Variants in ELMOD2 observed in about 807,000 individuals in gnomAD.
The protein encoded by ELMOD2 is ELMO domain-containing protein 2.
A neutral mutation model predicts 41.0 loss-of-function variants in ELMOD2; 28 were observed. The observed-to-expected ratio is 0.68, with a 90% CI of 0.51 to 0.94. ELMOD2 has a LOEUF of 0.94. ELMOD2 is among the 40% of genes least tolerant of loss of function. The probability of loss-of-function intolerance (pLI) is 0.00; values close to 1 mark genes in which losing one functional copy is unlikely to be tolerated. For missense variants in ELMOD2, 333 were observed against 343.1 expected (o/e 0.97, Z 0.23); for synonymous variants, 106 against 107.2 (o/e 0.99, Z 0.07).
At position 140,544,712 on chromosome 4, in the gene ELMOD2, A is replaced by G. The variant is rs548653491; in HGVS notation, c.736+1126A>G. ...TCCCAGTCTTCTTTTTAGTTGCTCAAATATATTATGCTCTCTCTTGACTCT... is the reference window on the plus strand; with the variant it reads ...TCCCAGTCTTCTTTTTAGTTGCTCAGATATATTATGCTCTCTCTTGACTCT... On this transcript the variant is annotated intron_variant, in intron 8 of 8. Coordinates refer to ENST00000323570, the MANE Select transcript of ELMOD2 (RefSeq NM_153702.4). Among the ~76,000 whole-genome samples the G allele has an allele frequency of 9.9e-5, 15 of 152,120 alleles. No individual in the cohort carries two copies. In the East Asian group the frequency reaches 1.9e-3, roughly 20 times the overall value.
chr4:140,538,106 A>G (rs983436192), intron 5 of ELMOD2, among the ~76,000 whole-genome samples: 1 of 152,204 alleles, frequency 6.6e-6, no homozygotes, highest in Non-Finnish European at 1.5e-5. Context: ...AAATGCATAA[A>G]GCCAATGAGG....
At chr4:140,525,333 T>A (rs1008913403) in intron 1 of ELMOD2, 87 bp from the exon 2 acceptor site, 12 of 1,326,026 alleles carry the variant, frequency 9.0e-6, no homozygotes, top group Non-Finnish European at 1.2e-5. Context: ...ATACATAATT[T>A]GAGATTTGAT....
In ELMOD2 at chr4:140,552,666, C is replaced by T. The variant is rs1578781886; in HGVS notation, c.*2291C>T. 1 of 152,092 alleles carries T rather than the reference C, an allele frequency of 6.6e-6. No homozygotes were observed. The highest frequency in any genetic ancestry group is 1.9e-4 in the East Asian group (1 of 5,186). 9.4% of individuals were successfully genotyped at this position (152,092 alleles called of 1,614,324 possible). ...CTTAAAATCCATATTTAGAATCTTACCTGTTTCTATAATAATTAGTAAAAT... is the reference window on the plus strand; with the variant it reads ...CTTAAAATCCATATTTAGAATCTTATCTGTTTCTATAATAATTAGTAAAAT... On this transcript the variant is annotated 3_prime_UTR_variant, in exon 9 of 9. Coordinates refer to ENST00000323570, the MANE Select transcript of ELMOD2 (RefSeq NM_153702.4).
Position 140,549,681 on chromosome 4 carries a change from C to CT in ELMOD2, c.737-519dup, listed in dbSNP as rs10538089. On this transcript the variant is annotated intron_variant, in intron 8 of 8. Coordinates refer to ENST00000323570, the MANE Select transcript of ELMOD2 (RefSeq NM_153702.4). ...AAGGTATCTTTTGAAAGTACTACAT[C>CT]TTTTTTTTTTTTTTTTTTTTTTTTT... is the stretch of plus-strand genomic sequence containing the variant. Among the ~76,000 whole-genome samples the CT allele has an allele frequency of 6.8e-3, 291 of 42,964 alleles. 36 individuals are homozygous for CT. Among genetic ancestry groups the CT allele is most frequent in the South Asian group, 0.011 (8 of 712 alleles). 28.2% of individuals were successfully genotyped at this position (42,964 alleles called of 152,430 possible).
At chr4:140,541,726 T>G (rs920138420) in intron 6 of ELMOD2, among the ~76,000 whole-genome samples, 2 of 152,040 alleles carry the variant, frequency 1.3e-5, no homozygotes, top group African/African-American at 2.4e-5. Context: ...AAATTATCAT[T>G]AATTCATGGA....
At chr4:140,545,506 C>T (rs1468943216) in intron 8 of ELMOD2, among the ~76,000 whole-genome samples, 1 of 152,122 alleles carries the variant, frequency 6.6e-6, no homozygotes, top group Non-Finnish European at 1.5e-5. Flanking sequence ...CCTTTTTCTC[C>T]CTTAATGGAT....
chr4:140,525,373 T>G (rs577047944), intron 1 of ELMOD2, 47 bp from the exon 2 acceptor site: 2 of 1,554,364 alleles, frequency 1.3e-6, no homozygotes, highest in African/African-American at 2.8e-5. Flanking sequence ...AATTTTAAAA[T>G]TCAGTTTAAG....
Position 140,539,715 on chromosome 4 carries a change from A to G in ELMOD2, c.400-453A>G, listed in dbSNP as rs537575396. 3.9e-5 allele frequency among the ~76,000 whole-genome samples: 6 copies of G among 152,314 alleles called. No individual in the cohort carries two copies. In the South Asian group the frequency reaches 6.2e-4, roughly 16 times the overall value. Reference sequence around the variant, plus strand: ...AACCAAATCATATTTTTTTAAACTGAAAATTTGTAAAACAAGTTGGAATGC... The same window carrying G: ...AACCAAATCATATTTTTTTAAACTGGAAATTTGTAAAACAAGTTGGAATGC... On this transcript the variant is annotated intron_variant, in intron 5 of 8. Coordinates refer to ENST00000323570, the MANE Select transcript of ELMOD2 (RefSeq NM_153702.4).
chr4:140,537,815 T>G (rs1734982091), intron 5 of ELMOD2, among the ~76,000 whole-genome samples: 1 of 151,184 alleles, frequency 6.6e-6, no homozygotes. Flanking sequence ...TTAATGTTTT[T>G]ATTTCTGAAA....
intron 4 of ELMOD2, among the ~76,000 whole-genome samples, chr4:140,536,775 A>G (rs1228193181): frequency 1.3e-5 from 2 of 152,218 alleles, no homozygotes; most frequent in African/African-American, 2.4e-5. Flanking sequence ...AGAAGGAATA[A>G]AGAATAGGAA....
chr4:140,543,714 T>C (rs188722064), intron 8 of ELMOD2, 128 bp downstream of exon 8: 47 of 764,232 alleles, frequency 6.1e-5, no homozygotes. Context: ...TTTTATTACT[T>C]AGGGTCTTTG....
In ELMOD2 at chr4:140,551,576, G is replaced by A. The variant is rs1735471683; in HGVS notation, c.*1201G>A. On this transcript the variant is annotated 3_prime_UTR_variant, in exon 9 of 9. Coordinates refer to ENST00000323570, the MANE Select transcript of ELMOD2 (RefSeq NM_153702.4). Reference sequence around the variant, plus strand: ...TCTTCTTGGTGCGTTTTACACATTTGTACTGATAGCAAAACTAAAGTTTAA... The same window carrying A: ...TCTTCTTGGTGCGTTTTACACATTTATACTGATAGCAAAACTAAAGTTTAA... The A allele has an allele frequency of 6.6e-6, 1 of 152,068 alleles. No homozygotes were observed. The highest frequency in any genetic ancestry group is 6.6e-5 in the Admixed American group (1 of 15,250). The allele number at this position is 152,068 out of a possible 1,614,324, so 9.4% of individuals were successfully genotyped here.
intron 6 of ELMOD2, among the ~76,000 whole-genome samples, chr4:140,541,684 G>A (rs901731186): frequency 6.6e-6 from 1 of 152,044 alleles, no homozygotes; most frequent in African/African-American, 2.4e-5. Flanking sequence ...AGTCCATAAT[G>A]TAAGATGGTT....
At position 140,550,360 on chromosome 4, in the gene ELMOD2, T is replaced by C. The variant is rs763676472; in HGVS notation, c.867T>C (p.Leu289=). 1.2e-6 allele frequency: 2 copies of C among 1,604,280 alleles called. No individual in the cohort carries two copies. Among genetic ancestry groups the C allele is most frequent in the South Asian group, 2.3e-5 (2 of 88,864 alleles). ...TTTTACTGGATTGTAATGTAGCACT[T>C]ACTTTAAAAGTATAAATCATCCACT... ...KGLLLDCNVA[L]TLKV The change falls in exon 9 of 9, where the codon CTT becomes CTC. Residue 289 remains leucine (L), a synonymous_variant. Coordinates refer to ENST00000323570, the MANE Select transcript of ELMOD2 (RefSeq NM_153702.4).
chr4:140,540,428 G>A, intron 6 of ELMOD2, 127 bp downstream of exon 6: 3 of 1,245,222 alleles, frequency 2.4e-6, no homozygotes, highest in South Asian at 1.6e-5. Flanking sequence ...CTGCAGTGCT[G>A]GAAGTATTTG....
intron 6 of ELMOD2, among the ~76,000 whole-genome samples, chr4:140,541,498 A>G (rs947768704): frequency 1.3e-5 from 2 of 152,150 alleles, no homozygotes; most frequent in Non-Finnish European, 2.9e-5. Flanking sequence ...ATGAAATATA[A>G]ATAGTCAACT....
At chr4:140,526,002 G>T (rs1350297644) in intron 2 of ELMOD2, among the ~76,000 whole-genome samples, 1 of 152,092 alleles carries the variant, frequency 6.6e-6, no homozygotes, top group Admixed American at 6.5e-5. Flanking sequence ...TGTATCCAGT[G>T]GTCTCTAGGA....
At position 140,552,986 on chromosome 4, in the gene ELMOD2, T is replaced by C. The variant is rs1735506287; in HGVS notation, c.*2611T>C. ...AAAAATCAGTGTCTTACTGGCACCA[T>C]TTACAGTTTAGAAAACAATCTTTTT... On this transcript the variant is annotated 3_prime_UTR_variant, in exon 9 of 9. Transcript: ENST00000323570. 1 of 152,088 alleles carries C rather than the reference T, an allele frequency of 6.6e-6. No individual in the cohort carries two copies. The highest frequency in any genetic ancestry group is 1.5e-5 in the Non-Finnish European group (1 of 67,966). 9.4% of individuals were successfully genotyped at this position (152,088 alleles called of 1,614,324 possible).
At chr4:140,528,012 G>A (rs1451995691) in intron 3 of ELMOD2, 2 of 152,392 alleles carry the variant, frequency 1.3e-5, no homozygotes, top group Non-Finnish European at 2.9e-5. Context: ...TTCAAGCTGG[G>A]GCCAAGTTCC....
Sources: allele counts gnomAD v4.1 joint callset (sites outside exome capture counted in the v4.1 genomes callset), GRCh38; gene constraint gnomAD v4.1.1; transcripts MANE v1.5; gene names NCBI Gene and HGNC (gene_info 2026-07-23, HGNC 2026-07-21).